The following EPB41L1 variants were observed in gnomAD, a reference collection of about 807,000 sequenced individuals.
EPB41L1 encodes the protein erythrocyte membrane protein band 4.1 like 1.
EPB41L1 carries 29 observed loss-of-function variants against 97.8 expected under a neutral mutation model. The observed-to-expected ratio is 0.30, with a 90% CI of 0.22 to 0.40. The LOEUF (loss-of-function observed/expected upper bound fraction) is 0.40, where lower values mean the gene tolerates loss of function less well. Ranked by LOEUF, EPB41L1 falls within the 10% of genes least tolerant of loss-of-function variation. EPB41L1 has a pLI of 1.00. For synonymous variants in EPB41L1, 383 were observed against 459.2 expected (o/e 0.83, Z 2.12); for missense variants, 812 against 1,162.3 (o/e 0.70, Z 4.38).
At chr20:36,192,312 C>T (rs1253831988) in intron 11 of EPB41L1, among the ~76,000 whole-genome samples, 1 of 152,002 alleles carries the variant, frequency 6.6e-6, no homozygotes, top group Non-Finnish European at 1.5e-5. Context: ...GCAGGTGGAT[C>T]ACGAGGTCCA....
intron 20 of EPB41L1, 84 bp downstream of exon 20, chr20:36,222,028 C>T (rs2063811269): frequency 3.5e-6 from 5 of 1,409,078 alleles, no homozygotes; most frequent in Non-Finnish European, 4.0e-6. Flanking sequence ...GATGGCTATC[C>T]TCATGGGCAG....
intron 17 of EPB41L1, among the ~76,000 whole-genome samples, chr20:36,215,592 C>T (rs918557344): frequency 1.3e-5 from 2 of 152,214 alleles, no homozygotes; most frequent in Non-Finnish European, 2.9e-5. Flanking sequence ...TTTCCCTGGT[C>T]ACTCAGTTCC....
At chr20:36,130,131 G>T (rs931155309) in intron 2 of EPB41L1, among the ~76,000 whole-genome samples, 1 of 151,792 alleles carries the variant, frequency 6.6e-6, no homozygotes, top group Non-Finnish European at 1.5e-5. Context: ...TAGTAGAGAC[G>T]GTATTTCTCC....
At chr20:36,221,023 G>C (rs1230950190) in intron 19 of EPB41L1, among the ~76,000 whole-genome samples, 1 of 152,176 alleles carries the variant, frequency 6.6e-6, no homozygotes, top group Non-Finnish European at 1.5e-5. Flanking sequence ...AAGCATTACT[G>C]AGCAATGTTG....
At chr20:36,107,216 T>TG (rs1186834513) in intron 1 of EPB41L1, among the ~76,000 whole-genome samples, 118 of 146,110 alleles carry the variant, frequency 8.1e-4, no homozygotes, top group Middle Eastern at 3.4e-3. Flanking sequence ...TATACCTTTT[T>TG]TTTTTTTTTT....
chr20:36,187,613 T>G, intron 7 of EPB41L1, 63 bp from the exon 8 acceptor site: 2 of 1,381,086 alleles, frequency 1.4e-6, no homozygotes, highest in Non-Finnish European at 2.0e-6. Flanking sequence ...TGGGCACCTT[T>G]GGACAGCAGG....
intron 1 of EPB41L1, among the ~76,000 whole-genome samples, chr20:36,162,173 C>A (rs899333668): frequency 1.3e-5 from 2 of 152,252 alleles, no homozygotes; most frequent in African/African-American, 4.8e-5. Context: ...AGGATTCCAG[C>A]TCTGGCTCAT....
At position 36,195,441 on chromosome 20, in the gene EPB41L1, C is replaced by A; in HGVS notation, c.1485+77C>A. On this transcript the variant is annotated intron_variant, in intron 13 of 21. Transcript: ENST00000338074. This position sits in a 1 kb window ranked among gnomAD's most constrained non-coding sequence, Gnocchi z 4.6. ...ATTTGTCACCATCCCACAGTCCATC[C>A]CAGGCTCACTTCCCTGGCACCATCT... 2 of 1,536,236 alleles carry A rather than the reference C, an allele frequency of 1.3e-6. No individual in the cohort carries two copies. The highest frequency in any genetic ancestry group is 1.8e-6 in the Non-Finnish European group (2 of 1,110,342).
intron 7 of EPB41L1, 109 bp from the exon 8 acceptor site, chr20:36,187,567 G>GAAAC: frequency 1.2e-6 from 1 of 869,274 alleles, no homozygotes; most frequent in Admixed American, 2.0e-5. Flanking sequence ...GTGAGGCTCA[G>GAAAC]CATATTTGAC....
intron 1 of EPB41L1, among the ~76,000 whole-genome samples, chr20:36,111,745 C>T (rs1601266351): frequency 6.7e-6 from 1 of 149,542 alleles, no homozygotes; most frequent in South Asian, 2.1e-4. Context: ...AGAGATCGCA[C>T]CATTGCACTC....
upstream of EPB41L1, chr20:36,152,472 G>A (rs2145445005): frequency 6.5e-6 from 1 of 154,088 alleles, no homozygotes; most frequent in African/African-American, 2.4e-5. Flanking sequence ...AGGAAAGGGA[G>A]ATGGCCAGGG....
intron 7 of EPB41L1, among the ~76,000 whole-genome samples, chr20:36,186,811 C>T (rs181614021): frequency 8.9e-4 from 135 of 152,292 alleles, no homozygotes; most frequent in Non-Finnish European, 1.1e-3. Context: ...ACTGACATCT[C>T]GTGTCCAAGT....
intron 2 of EPB41L1, among the ~76,000 whole-genome samples, chr20:36,131,491 A>G (rs2059207937): frequency 6.6e-6 from 1 of 151,854 alleles, no homozygotes; most frequent in African/African-American, 2.4e-5. Context: ...CCATGCATTC[A>G]TTCATCCTAA....
chr20:36,181,631 TTAA>T (rs1368152516), intron 5 of EPB41L1, among the ~76,000 whole-genome samples: 1 of 152,194 alleles, frequency 6.6e-6, no homozygotes, highest in Non-Finnish European at 1.5e-5. Context: ...CTGAGAAACA[TTAA>T]TCTTTCAGGA....
Position 36,178,611 on chromosome 20 carries a change from T to G in EPB41L1, c.448-19T>G, listed in dbSNP as rs530809933. 1.2e-6 allele frequency: 2 copies of G among 1,613,568 alleles called. No individual in the cohort carries two copies. Among genetic ancestry groups the G allele is most frequent in the Non-Finnish European group, 8.5e-7 (1 of 1,179,474 alleles). On this transcript the variant is annotated intron_variant, in intron 4 of 21. Transcript: ENST00000338074. The stretch of plus-strand genomic sequence containing the variant: ...CTTTCCTGCGTCTTCCCTCTGAAGA[T>G]CTCTATCTTTTCTTTTAGAACTGGC...
intron 1 of EPB41L1, among the ~76,000 whole-genome samples, chr20:36,162,085 T>C (rs1012267938): frequency 2.6e-5 from 4 of 152,184 alleles, no homozygotes; most frequent in Admixed American, 2.0e-4. Flanking sequence ...ATTCTCACTA[T>C]ACACCTTGGA....
chr20:36,208,521 T>C, intron 14 of EPB41L1: 1 of 259,900 alleles, frequency 3.8e-6, no homozygotes, highest in South Asian at 3.4e-5. Context: ...TGCTCAACTC[T>C]GGCTTGTCTG....
At chr20:36,128,487 G>A (rs907186954) in intron 2 of EPB41L1, among the ~76,000 whole-genome samples, 1 of 152,200 alleles carries the variant, frequency 6.6e-6, no homozygotes, top group Non-Finnish European at 1.5e-5. Context: ...ATCCTCCAGG[G>A]ACCTCAAATG....
intron 17 of EPB41L1, among the ~76,000 whole-genome samples, chr20:36,217,878 C>G (rs556396564): frequency 6.6e-6 from 1 of 152,202 alleles, no homozygotes; most frequent in African/African-American, 2.4e-5. Flanking sequence ...TAGTGCCATG[C>G]CTGGACCAGA....
Sources: allele counts gnomAD v4.1 joint callset (sites outside exome capture counted in the v4.1 genomes callset), GRCh38; gene constraint gnomAD v4.1.1; non-coding constraint Gnocchi (gnomAD v3.1); transcripts MANE v1.5; gene names NCBI Gene and HGNC (gene_info 2026-07-23, HGNC 2026-07-21).